The following RBMS3 variants were observed in gnomAD, a reference collection of about 807,000 sequenced individuals.
The protein encoded by RBMS3 is RNA-binding motif, single-stranded-interacting protein 3.
Under a neutral mutation model 66.8 loss-of-function variants are expected in RBMS3, and 27 were observed. The observed-to-expected ratio is 0.40, with a 90% CI of 0.30 to 0.56. RBMS3 has a LOEUF of 0.56. RBMS3 is among the 20% of genes least tolerant of loss of function. The pLI, the probability that RBMS3 is intolerant of heterozygous loss-of-function variation, is 0.40. For synonymous variants in RBMS3, 188 were observed against 183.0 expected, an observed-to-expected ratio of 1.03 and a Z score of -0.22; for missense variants, 513 against 549.5, an observed-to-expected ratio of 0.93 and a Z score of 0.66.
chr3:29,452,438 A>C (rs952262470), intron 2 of RBMS3, among the ~76,000 whole-genome samples: 2 of 152,322 alleles, frequency 1.3e-5, no homozygotes, highest in Admixed American at 1.3e-4. Context: ...AGAATCAACA[A>C]ATTTCTGCAA....
intron 1 of RBMS3, among the ~76,000 whole-genome samples, chr3:29,431,301 C>CTTTTTTTTTTT (rs548031550): frequency 6.0e-5 from 8 of 132,390 alleles, no homozygotes; most frequent in Admixed American, 8.0e-5. Context: ...TTTTCCTTTT[C>CTTTTTTTTTTT]TTTTTTTTTT....
rs760665940 is a variant in RBMS3 at position 29,434,880 on chromosome 3, C to T, written c.213C>T (p.Gly71=). The T allele has an allele frequency of 2.9e-5, 46 of 1,613,924 alleles. No individual in the cohort carries two copies. The highest frequency in any genetic ancestry group is 3.8e-5 in the Non-Finnish European group (45 of 1,179,962). The change falls in exon 2 of 15, where the codon GGC becomes GGT. Residue 71 remains glycine (G), a synonymous_variant. Coordinates refer to ENST00000383767, the MANE Select transcript of RBMS3 (RefSeq NM_001003793.3). The stretch of plus-strand genomic sequence containing the variant: ...TGTACATTCGAGGCCTCCCACCAGG[C>T]ACCACTGACCAGGACCTAATCAAGC... ...TNLYIRGLPP[G]TTDQDLIKLC...
rs1421732188 is a variant in RBMS3 at position 29,595,260 on chromosome 3, G to A, written c.399+8055G>A. On this transcript the variant is annotated intron_variant, in intron 4 of 14. Coordinates refer to ENST00000383767, the MANE Select transcript of RBMS3 (RefSeq NM_001003793.3). Reference sequence around the variant, plus strand: ...AAAAATACAAAAAAATTAGCTGGGCGTGGTGGTGGGGACCTGTAATCCCAG... The same window carrying A: ...AAAAATACAAAAAAATTAGCTGGGCATGGTGGTGGGGACCTGTAATCCCAG... 4.6e-5 allele frequency among the ~76,000 whole-genome samples: 7 copies of A among 151,888 alleles called. No individual in the cohort carries two copies. The East Asian group carries it at 5.8e-4, about 13-fold the overall frequency.
chr3:29,544,903 T>G (rs2045894959), intron 3 of RBMS3, among the ~76,000 whole-genome samples: 1 of 152,182 alleles, frequency 6.6e-6, no homozygotes, highest in Non-Finnish European at 1.5e-5. Context: ...ATAAAGGTGT[T>G]AGCTGGTTTA....
At chr3:29,474,691 G>A (rs1300811603) in intron 2 of RBMS3, among the ~76,000 whole-genome samples, 1 of 152,220 alleles carries the variant, frequency 6.6e-6, no homozygotes, top group Non-Finnish European at 1.5e-5. Flanking sequence ...ACAGTGCTAC[G>A]AAGAGGCGTA....
intron 4 of RBMS3, among the ~76,000 whole-genome samples, chr3:29,734,343 A>T (rs570594790): frequency 6.6e-6 from 1 of 152,110 alleles, no homozygotes; most frequent in Non-Finnish European, 1.5e-5. Flanking sequence ...GCACTGTAGG[A>T]TGACTATAAT....
chr3:29,585,792 A>G (rs1457568378), intron 3 of RBMS3, among the ~76,000 whole-genome samples: 2 of 152,124 alleles, frequency 1.3e-5, no homozygotes, highest in African/African-American at 4.8e-5. Context: ...CAGTACTTAC[A>G]GAACAGGCTT....
intron 1 of RBMS3, among the ~76,000 whole-genome samples, chr3:29,329,776 G>GA (rs2035543011): frequency 6.7e-6 from 1 of 149,464 alleles, no homozygotes; most frequent in Admixed American, 6.7e-5. Flanking sequence ...TCCTGACATG[G>GA]AAAAAATCAT....
intron 4 of RBMS3, among the ~76,000 whole-genome samples, chr3:29,687,269 G>T (rs1440504): frequency 0.53 from 81,228 of 152,062 alleles, 21,767 homozygotes; most frequent in South Asian, 0.57. Context: ...GAACAGCCAG[G>T]TTTCTGTTTA....
intron 4 of RBMS3, among the ~76,000 whole-genome samples, chr3:29,712,020 GATTA>G (rs1304027571): frequency 2.0e-5 from 3 of 152,078 alleles, no homozygotes; most frequent in Non-Finnish European, 4.4e-5. Flanking sequence ...TTCTTTATGT[GATTA>G]ATTATGGTAG....
intron 4 of RBMS3, among the ~76,000 whole-genome samples, chr3:29,712,957 C>A (rs1210575560): frequency 6.6e-6 from 1 of 151,758 alleles, no homozygotes; most frequent in African/African-American, 2.4e-5. Context: ...ATAATAAATC[C>A]CATTTCTTTT....
chr3:29,313,181 AG>A (rs1232216227), intron 1 of RBMS3, among the ~76,000 whole-genome samples: 1 of 151,752 alleles, frequency 6.6e-6, no homozygotes, highest in East Asian at 1.9e-4. Flanking sequence ...TGGCATTTCA[AG>A]TAAGGGTGGT....
rs556858925 is a variant in RBMS3 at position 29,403,384 on chromosome 3, G to A, written c.76-31359G>A. ...ACCTTATGTCACTTTAAGTTGAGAT[G>A]TGGCTGTAGGATGCAATATTGTGGA... On this transcript the variant is annotated intron_variant, in intron 1 of 14. Coordinates refer to ENST00000383767, the MANE Select transcript of RBMS3 (RefSeq NM_001003793.3). Among the ~76,000 whole-genome samples the A allele has an allele frequency of 3.9e-5, 6 of 152,170 alleles. No homozygotes were observed. The East Asian group carries it at 1.2e-3, about 29-fold the overall frequency.
intron 3 of RBMS3, among the ~76,000 whole-genome samples, chr3:29,534,052 G>C (rs1219350250): frequency 6.6e-6 from 1 of 152,202 alleles, no homozygotes; most frequent in Non-Finnish European, 1.5e-5. Context: ...TAAGAAAGGT[G>C]ACCAGGCTGA....
chr3:29,961,995 A>AAT (rs1408998975), intron 12 of RBMS3, among the ~76,000 whole-genome samples: 3 of 145,678 alleles, frequency 2.1e-5, no homozygotes, highest in African/African-American at 7.5e-5. Flanking sequence ...TAATATATAT[A>AAT]ATATATATAT....
intron 6 of RBMS3, among the ~76,000 whole-genome samples, chr3:29,837,108 A>T (rs936706497): frequency 3.9e-5 from 6 of 152,026 alleles, no homozygotes; most frequent in Admixed American, 2.6e-4. Flanking sequence ...ACAGTGTTAC[A>T]TGGGGTCAAT....
chr3:29,679,850 T>C lies in RBMS3; in HGVS notation c.400-59870T>C, dbSNP rs545784027. Among the ~76,000 whole-genome samples, 31 of 151,922 alleles carry C rather than the reference T, an allele frequency of 2.0e-4. 1 individual carries two copies. The highest frequency in any genetic ancestry group is 7.5e-4 in the African/African-American group (31 of 41,346). On this transcript the variant is annotated intron_variant, in intron 4 of 14. Coordinates refer to ENST00000383767, the MANE Select transcript of RBMS3 (RefSeq NM_001003793.3). ...ACTCACCCCATCAGCATTAATAAAA[T>C]AGGCTAAATATTCTGATCTTAATTC...
intron 4 of RBMS3, among the ~76,000 whole-genome samples, chr3:29,631,699 A>C (rs1380608972): frequency 6.6e-6 from 1 of 151,830 alleles, no homozygotes; most frequent in African/African-American, 2.4e-5. Context: ...TGAATAGCCT[A>C]GTTTAAGCAT....
chr3:29,488,416 G>GT lies in RBMS3; in HGVS notation c.249-18dup, dbSNP rs748815775. 10 of 1,576,084 alleles carry GT rather than the reference G, an allele frequency of 6.3e-6. No individual in the cohort carries two copies. In the South Asian group the frequency reaches 1.0e-4, roughly 16 times the overall value. ...TCTTCAATGGGTTACAATAACATGG[G>GT]TTTTTTTCTCTCTCTCTCTTTCAGG... On this transcript the variant is annotated intron_variant, in intron 2 of 14. Coordinates refer to ENST00000383767, the MANE Select transcript of RBMS3 (RefSeq NM_001003793.3).
Sources: gnomAD v4.1 joint callset for allele counts (sites outside exome capture counted in the v4.1 genomes callset) on GRCh38, gnomAD v4.1.1 for gene constraint, MANE v1.5 for transcripts, NCBI Gene and HGNC (gene_info 2026-07-23, HGNC 2026-07-21) for gene names.